KDM4C: variants seen among roughly 807,000 people sequenced by gnomAD.
KDM4C encodes the protein lysine-specific demethylase 4C.
Under a neutral mutation model 129.3 loss-of-function variants are expected in KDM4C, and 81 were observed. The observed-to-expected ratio is 0.63, with a 90% CI of 0.52 to 0.75. The LOEUF (loss-of-function observed/expected upper bound fraction) is 0.75, where lower values mean the gene tolerates loss of function less well. Among genes scored for constraint, KDM4C ranks in the 30% least tolerant of loss-of-function variants. The pLI, the probability that KDM4C is intolerant of heterozygous loss-of-function variation, is 0.00. For missense variants in KDM4C, 1,457 were observed against 1,304.0 expected, an observed-to-expected ratio of 1.12 and a Z score of -1.81; for synonymous variants, 573 against 456.1, an observed-to-expected ratio of 1.26 and a Z score of -3.26.
intron 8 of KDM4C, among the ~76,000 whole-genome samples, chr9:6,928,611 T>TA (rs397959501): frequency 1.3e-5 from 2 of 151,588 alleles, no homozygotes; most frequent in South Asian, 4.2e-4. Flanking sequence ...TTTTTTTTTT[T>TA]AATAATAATG....
At chr9:6,987,075 A>T (rs1358310458) in intron 11 of KDM4C, among the ~76,000 whole-genome samples, 1 of 152,218 alleles carries the variant, frequency 6.6e-6, no homozygotes, top group East Asian at 1.9e-4. Flanking sequence ...TACAGTAAAG[A>T]TTACAGAATT....
intron 11 of KDM4C, among the ~76,000 whole-genome samples, chr9:6,987,711 C>G (rs1817972448): frequency 6.6e-6 from 1 of 152,054 alleles, no homozygotes; most frequent in South Asian, 2.1e-4. Flanking sequence ...TCTGATTTGA[C>G]CCAATAGTGT....
At chr9:7,110,626 C>T (rs1838216629) in intron 18 of KDM4C, among the ~76,000 whole-genome samples, 1 of 152,186 alleles carries the variant, frequency 6.6e-6, no homozygotes, top group Admixed American at 6.6e-5. Context: ...GGTGCACATA[C>T]TCTTCCACAG....
At chr9:6,905,042 G>T (rs184822357) in intron 8 of KDM4C, among the ~76,000 whole-genome samples, 36 of 152,332 alleles carry the variant, frequency 2.4e-4, no homozygotes, top group Admixed American at 2.0e-3. Context: ...AAACATTATT[G>T]TCCATTGTTG....
chr9:6,757,456 C>G (rs142948761), upstream of KDM4C, among the ~76,000 whole-genome samples: 1 of 152,232 alleles, frequency 6.6e-6, no homozygotes, highest in African/African-American at 2.4e-5. Flanking sequence ...ATACTCTTCG[C>G]CTATTCGGGA....
At chr9:6,867,015 ATATTTT>A (rs372330206) in intron 5 of KDM4C, among the ~76,000 whole-genome samples, 42,041 of 113,922 alleles carry the variant, frequency 0.37, 6,599 homozygotes, top group Admixed American at 0.4. Flanking sequence ...ATATATATAT[ATATTTT>A]TTTTTTTTTT....
intron 17 of KDM4C, 92 bp downstream of exon 17, chr9:7,049,292 T>A: frequency 1.8e-6 from 1 of 568,590 alleles, no homozygotes; most frequent in South Asian, 2.6e-5. Flanking sequence ...CAAGGTATAT[T>A]TTCTCCTAGC....
At chr9:7,164,896 C>T (rs1844214054) in intron 19 of KDM4C, among the ~76,000 whole-genome samples, 1 of 152,148 alleles carries the variant, frequency 6.6e-6, no homozygotes, top group South Asian at 2.1e-4. Flanking sequence ...ATATAAATGT[C>T]AGGTGTTATA....
At position 6,986,589 on chromosome 9, in the gene KDM4C, A is replaced by C. The variant is rs111451391; in HGVS notation, c.1600A>C (p.Ser534Arg). 2.2e-3 allele frequency: 3,628 copies of C among 1,614,078 alleles called. 130 individuals are homozygous for C. The Admixed American group carries it at 0.055, about 24-fold the overall frequency. ...LTEGEESDVESHGNGLEPGEI... is the reference protein window; with the variant it reads ...LTEGEESDVERHGNGLEPGEI... ...AGAGGGAGAAGAGAGTGATGTGGAGAGCCATGGGAATGGCCTTGAACCTGG... is the reference window on the plus strand; with the variant it reads ...AGAGGGAGAAGAGAGTGATGTGGAGCGCCATGGGAATGGCCTTGAACCTGG... The change falls in exon 11 of 22, where the codon AGC becomes CGC. Residue 534 changes from serine (S) to arginine (R), a missense_variant. Transcript: ENST00000381309.
rs558634820 is a variant in KDM4C, at chr9:6,735,913, T to C, written c.49+14916T>C. ...AAGTTTGGCACTCCCTAGAGACTTG[T>C]TGAATGGCTTTGACCAAAATGCTGA... is the stretch of plus-strand genomic sequence containing the variant. On this transcript the variant is annotated intron_variant, in intron 1 of 17. Transcript: ENST00000536108. Among the ~76,000 whole-genome samples the C allele has an allele frequency of 3.2e-3, 494 of 152,296 alleles. 2 individuals are homozygous for C. Among genetic ancestry groups the C allele is most frequent in the African/African-American group, 0.011 (474 of 41,564 alleles).
intron 1 of KDM4C, among the ~76,000 whole-genome samples, chr9:6,722,644 G>C (rs911272202): frequency 3.3e-5 from 5 of 151,850 alleles, no homozygotes; most frequent in Non-Finnish European, 7.4e-5. Context: ...CTCCCGAGTA[G>C]CTGCGATTAC....
Position 6,912,296 on chromosome 9 carries a change from C to T in KDM4C, c.921+19064C>T, listed in dbSNP as rs147213916. ...ATACCATGCAGCTCAGCTTTGCTGT[C>T]ACTTCTTGCAGTCAGGACCCTTAAC... On this transcript the variant is annotated intron_variant, in intron 8 of 21. Transcript: ENST00000381309. Among the ~76,000 whole-genome samples, 479 of 152,294 alleles carry T rather than the reference C, an allele frequency of 3.1e-3. 1 individual carries two copies. The highest frequency in any genetic ancestry group is 4.5e-3 in the Non-Finnish European group (308 of 68,030).
At chr9:7,119,864 C>T (rs1379977767) in intron 18 of KDM4C, among the ~76,000 whole-genome samples, 1 of 151,608 alleles carries the variant, frequency 6.6e-6, no homozygotes. Context: ...TGGAGGGCCT[C>T]TTCCTTCCCT....
intron 20 of KDM4C, among the ~76,000 whole-genome samples, chr9:7,166,108 A>G (rs1217782818): frequency 2.0e-5 from 3 of 152,238 alleles, no homozygotes; most frequent in Non-Finnish European, 4.4e-5. Context: ...TAGAATTTTC[A>G]GTAACACTGT....
chr9:6,981,231 T>A (rs923329408), intron 9 of KDM4C, 113 bp downstream of exon 9: 7 of 743,072 alleles, frequency 9.4e-6, no homozygotes, highest in Non-Finnish European at 1.5e-5. Context: ...CATAACTTAA[T>A]ACCTTTCTGA....
intron 1 of KDM4C, among the ~76,000 whole-genome samples, chr9:6,774,831 C>G (rs1279977655): frequency 6.6e-6 from 1 of 152,158 alleles, no homozygotes; most frequent in Non-Finnish European, 1.5e-5. Context: ...TCTCTTCTAT[C>G]TCATCCATCT....
chr9:6,775,042 T>A (rs1822704208), intron 1 of KDM4C, among the ~76,000 whole-genome samples: 4 of 152,138 alleles, frequency 2.6e-5, no homozygotes, highest in Admixed American at 2.6e-4. Context: ...ATGGAGTCTC[T>A]CTCTGTTGCC....
chr9:7,137,679 G>A (rs1459665983), intron 19 of KDM4C, among the ~76,000 whole-genome samples: 1 of 152,208 alleles, frequency 6.6e-6, no homozygotes, highest in Non-Finnish European at 1.5e-5. Context: ...TACAATTTCT[G>A]AAATATATGG....
chr9:7,095,589 G>A (rs1023922462), intron 17 of KDM4C, among the ~76,000 whole-genome samples: 1 of 151,928 alleles, frequency 6.6e-6, no homozygotes, highest in Non-Finnish European at 1.5e-5. Flanking sequence ...GTGCCATATG[G>A]GAAAATTATG....
Sources: gnomAD v4.1 joint callset for allele counts (sites outside exome capture counted in the v4.1 genomes callset) on GRCh38, gnomAD v4.1.1 for gene constraint, MANE v1.5 for transcripts, NCBI Gene and HGNC (gene_info 2026-07-23, HGNC 2026-07-21) for gene names.